Variants in TEX11 observed in about 807,000 individuals in gnomAD.
TEX11 encodes testis expressed 11.
Under a neutral mutation model 84.4 loss-of-function variants are expected in TEX11, and 7 were observed. The ratio of observed to expected loss-of-function variants is 0.08; its 90% CI spans 0.05 to 0.16. The LOEUF (loss-of-function observed/expected upper bound fraction) is 0.16, where lower values mean the gene tolerates loss of function less well. TEX11 is among the 10% of genes least tolerant of loss of function. The pLI, the probability that TEX11 is intolerant of heterozygous loss-of-function variation, is 1.00. For synonymous variants in TEX11, 264 were observed against 222.8 expected (o/e 1.18, Z -1.64); for missense variants, 551 against 660.5 (o/e 0.83, Z 1.82).
At chrX:70,839,823 C>A (rs1569453010) in intron 7 of TEX11, among the ~76,000 whole-genome samples, 1 of 111,646 alleles carries the variant, frequency 9.0e-6, no homozygotes, top group Admixed American at 9.6e-5. Flanking sequence ...AACCAAGGCA[C>A]GAGAGCTACG....
chrX:70,882,367 G>A (rs1237382033), intron 2 of TEX11, among the ~76,000 whole-genome samples: 1 of 111,346 alleles, frequency 9.0e-6, no homozygotes, highest in Non-Finnish European at 1.9e-5. Context: ...CACCTAGGCT[G>A]AAGTACAGTG....
chrX:70,788,835 A>G (rs995020524), intron 9 of TEX11, among the ~76,000 whole-genome samples: 3 of 102,531 alleles, frequency 2.9e-5, no homozygotes, highest in African/African-American at 1.1e-4. Flanking sequence ...TATCAAGCTA[A>G]AAAGCTTTTG....
intron 2 of TEX11, among the ~76,000 whole-genome samples, chrX:70,900,289 T>C (rs1159091109): frequency 9.4e-6 from 1 of 105,972 alleles, no homozygotes; most frequent in East Asian, 2.9e-4. Context: ...GAGAATCGCT[T>C]GAACCCGGGA....
chrX:70,596,812 G>GA (rs963700402), intron 24 of TEX11, among the ~76,000 whole-genome samples: 1 of 110,834 alleles, frequency 9.0e-6, no homozygotes, highest in African/African-American at 3.3e-5. Context: ...AAATGCAATA[G>GA]AAAAAATGAA....
At chrX:70,675,288 C>T (rs775224699) in intron 15 of TEX11, among the ~76,000 whole-genome samples, 12 of 112,356 alleles carry the variant, frequency 1.1e-4, no homozygotes, top group African/African-American at 3.9e-4. Context: ...AAGTTTCCTT[C>T]TGCTCAGAGG....
intron 13 of TEX11, among the ~76,000 whole-genome samples, chrX:70,707,750 T>C (rs2090389094): frequency 9.0e-6 from 1 of 111,052 alleles, no homozygotes; most frequent in South Asian, 3.8e-4. Context: ...CTAGGCACAA[T>C]TTTTGTTGAT....
chrX:70,741,073 C>T (rs1048349187), intron 10 of TEX11, among the ~76,000 whole-genome samples: 1 of 110,848 alleles, frequency 9.0e-6, no homozygotes, highest in Non-Finnish European at 1.9e-5. Flanking sequence ...CAGTATTTAA[C>T]GTATTTTATC....
intron 12 of TEX11, among the ~76,000 whole-genome samples, chrX:70,724,948 A>G (rs1487894825): frequency 9.0e-6 from 1 of 110,774 alleles, no homozygotes; most frequent in East Asian, 2.8e-4. Context: ...ATTAATAGGT[A>G]ATCTTTCTTT....
intron 9 of TEX11, among the ~76,000 whole-genome samples, chrX:70,785,083 A>C (rs2091069093): frequency 8.9e-6 from 1 of 112,127 alleles, no homozygotes; most frequent in Non-Finnish European, 1.9e-5. Context: ...ACTATACTAC[A>C]AGTCTACAGT....
chrX:70,561,423 T>C (rs2088372345), intron 25 of TEX11, among the ~76,000 whole-genome samples: 1 of 100,191 alleles, frequency 1.0e-5, no homozygotes, highest in Non-Finnish European at 2.0e-5. Context: ...AGTCTCGTTC[T>C]GTCGCCCAGG....
chrX:70,705,131 C>T (rs1202406057), intron 13 of TEX11, among the ~76,000 whole-genome samples: 1 of 111,085 alleles, frequency 9.0e-6, no homozygotes, highest in Non-Finnish European at 1.9e-5. Flanking sequence ...TTTCTGAGGC[C>T]TCTGTTCTGT....
intron 17 of TEX11, among the ~76,000 whole-genome samples, chrX:70,641,359 C>T (rs1348465037): frequency 2.7e-5 from 3 of 110,791 alleles, no homozygotes; most frequent in Non-Finnish European, 3.8e-5. Context: ...GACAGATCAA[C>T]GAGACAGAAA....
At chrX:70,693,204 G>T (rs983844178) in intron 13 of TEX11, among the ~76,000 whole-genome samples, 8 of 110,911 alleles carry the variant, frequency 7.2e-5, no homozygotes, top group African/African-American at 2.6e-4. Context: ...TTGCACCATT[G>T]CACTCCAGCC....
At chrX:70,904,343 T>C (rs924178604) in intron 2 of TEX11, among the ~76,000 whole-genome samples, 1 of 111,117 alleles carries the variant, frequency 9.0e-6, no homozygotes, top group African/African-American at 3.3e-5. Flanking sequence ...ATCAGGAAAA[T>C]ATAAGTCAAA....
intron 4 of TEX11, among the ~76,000 whole-genome samples, chrX:70,862,749 CA>C (rs749817870): frequency 0.031 from 2,163 of 69,352 alleles, 55 homozygotes; most frequent in East Asian, 0.18. Context: ...AGTAAAAATA[CA>C]AAAAAAAAAA....
At position 70,785,105 on chromosome X, in the gene TEX11, C is replaced by A. The variant is rs774534583; in HGVS notation, c.692+21600G>T. 3.6e-5 allele frequency among the ~76,000 whole-genome samples: 4 copies of A among 112,080 alleles called. No homozygotes were observed. In the South Asian group the frequency reaches 1.5e-3, roughly 42 times the overall value. On this transcript the variant is annotated intron_variant, in intron 9 of 29. Transcript: ENST00000374333. The stretch of plus-strand genomic sequence containing the variant: ...TACAAGTCTACAGTAACCAAAACAG[C>A]ATGACACTGGTACTAAAGCAGATAT...
chrX:70,663,101 T>C (rs1433813487), intron 16 of TEX11, among the ~76,000 whole-genome samples: 1 of 111,824 alleles, frequency 8.9e-6, no homozygotes, highest in African/African-American at 3.2e-5. Flanking sequence ...CCCCACAAAA[T>C]CCTCTTTGAC....
At chrX:70,678,092 G>A (rs369459773) in intron 15 of TEX11, among the ~76,000 whole-genome samples, 2 of 111,091 alleles carry the variant, frequency 1.8e-5, no homozygotes, top group African/African-American at 3.3e-5. Context: ...GATTACAGGC[G>A]TGAGCCACCA....
At chrX:70,886,234 T>C (rs2091708340) in intron 2 of TEX11, among the ~76,000 whole-genome samples, 1 of 111,949 alleles carries the variant, frequency 8.9e-6, no homozygotes, top group South Asian at 3.7e-4. Context: ...ATGTGGTATA[T>C]ACATACAATA....
Sources: allele counts gnomAD v4.1 joint callset (sites outside exome capture counted in the v4.1 genomes callset), GRCh38; gene constraint gnomAD v4.1.1; transcripts MANE v1.5; gene names NCBI Gene and HGNC (gene_info 2026-07-23, HGNC 2026-07-21).